The following WDR1 variants were observed in gnomAD, a reference collection of about 807,000 sequenced individuals.
The protein encoded by WDR1 is WD repeat domain 1.
In WDR1, 21 loss-of-function variants were observed where a neutral mutation model predicts 71.9. The ratio of observed to expected loss-of-function variants is 0.29; its 90% CI spans 0.21 to 0.42. The LOEUF (loss-of-function observed/expected upper bound fraction) is 0.42. WDR1 is among the 10% of genes least tolerant of loss of function. The pLI is 1.00. For missense variants in WDR1, 696 were observed against 824.5 expected (o/e 0.84, Z 1.91); for synonymous variants, 424 against 347.4 (o/e 1.22, Z -2.45).
Position 10,075,257 on chromosome 4 carries a change from C to G in WDR1, c.*121G>C. ...AGACGAGGGTCATGACTGGGCCCTC[C>G]TGCCTCTTGTGGTGGGGTGGGGGCA... On this transcript the variant is annotated 3_prime_UTR_variant, in exon 15 of 15. Coordinates refer to ENST00000499869, the MANE Select transcript of WDR1 (RefSeq NM_017491.5). 2.5e-6 allele frequency: 2 copies of G among 812,308 alleles called. No individual in the cohort carries two copies. The highest frequency in any genetic ancestry group is 4.2e-5 in the Admixed American group (2 of 47,962). 50.3% of individuals were successfully genotyped at this position (812,308 alleles called of 1,614,324 possible).
intron 5 of WDR1, among the ~76,000 whole-genome samples, chr4:10,091,156 A>T (rs1358302595): frequency 6.6e-6 from 1 of 152,274 alleles, no homozygotes; most frequent in Non-Finnish European, 1.5e-5. Context: ...CGGGGAACAC[A>T]GGACTGGACG....
At chr4:10,102,999 C>G (rs772128242) in intron 3 of WDR1, among the ~76,000 whole-genome samples, 1 of 152,166 alleles carries the variant, frequency 6.6e-6, no homozygotes, top group South Asian at 2.1e-4. Context: ...ACCACTCTCA[C>G]TCCTGTACCT....
chr4:10,093,208 A>C, intron 5 of WDR1: 2 of 1,228,742 alleles, frequency 1.6e-6, no homozygotes, highest in Non-Finnish European at 2.1e-6. Flanking sequence ...AGCCCACCCC[A>C]TTCCCCCCAG....
intron 3 of WDR1, among the ~76,000 whole-genome samples, chr4:10,101,704 G>C (rs571229503): frequency 2.0e-4 from 30 of 152,254 alleles, no homozygotes; most frequent in Non-Finnish European, 4.1e-4. Context: ...CTGGGGACTG[G>C]GGACAGGGCA....
intron 11 of WDR1, 109 bp from the exon 12 acceptor site, chr4:10,079,110 C>G (rs1163779052): frequency 7.5e-6 from 6 of 803,092 alleles, no homozygotes; most frequent in Non-Finnish European, 9.6e-6. Flanking sequence ...GGGTTTGGCT[C>G]CATACCCAAC....
At position 10,077,528 on chromosome 4, in the gene WDR1, T is replaced by A. The variant is rs559428993; in HGVS notation, c.1570-80A>T. On this transcript the variant is annotated intron_variant, in intron 13 of 14. Coordinates refer to ENST00000499869, the MANE Select transcript of WDR1 (RefSeq NM_017491.5). ...CCCATATCACCTCGCTTATCCCTCATGGCGACAATAAGGACCGAGGTTTCT... is the reference window on the plus strand; with the variant it reads ...CCCATATCACCTCGCTTATCCCTCAAGGCGACAATAAGGACCGAGGTTTCT... 3.1e-6 allele frequency: 5 copies of A among 1,594,016 alleles called. No homozygotes were observed. The Admixed American group carries it at 8.4e-5, about 27-fold the overall frequency.
At chr4:10,092,877 T>G in intron 5 of WDR1, 1 of 417,874 alleles carries the variant, frequency 2.4e-6, no homozygotes, top group Non-Finnish European at 4.6e-6. Flanking sequence ...CCAGCGGGGC[T>G]GCAGCAGTCT....
At chr4:10,104,494 T>A (rs1176506161) in intron 2 of WDR1, among the ~76,000 whole-genome samples, 3 of 152,122 alleles carry the variant, frequency 2.0e-5, no homozygotes, top group Non-Finnish European at 4.4e-5. Context: ...GCCCTCTCTA[T>A]CAAAAACTTG....
chr4:10,113,446 G>A (rs929838589), intron 2 of WDR1, among the ~76,000 whole-genome samples: 1 of 152,332 alleles, frequency 6.6e-6, no homozygotes, highest in African/African-American at 2.4e-5. Flanking sequence ...ATAACTAGCA[G>A]GTACCAAGAC....
chr4:10,104,954 T>TC (rs2108798575), intron 2 of WDR1, among the ~76,000 whole-genome samples: 1 of 148,272 alleles, frequency 6.7e-6, no homozygotes, highest in Admixed American at 6.7e-5. Flanking sequence ...CTTAGACCCC[T>TC]CCTCAAGACC....
intron 3 of WDR1, among the ~76,000 whole-genome samples, chr4:10,101,969 T>C (rs920501153): frequency 2.0e-5 from 3 of 152,230 alleles, no homozygotes; most frequent in South Asian, 2.1e-4. Flanking sequence ...AATGAGAGCA[T>C]GTTTTACAGA....
intron 9 of WDR1, chr4:10,083,661 G>A (rs760651589): frequency 2.5e-5 from 12 of 475,302 alleles, no homozygotes; most frequent in Non-Finnish European, 1.7e-5. Context: ...GGTGCTCAGG[G>A]AGGGCAGCAG....
Position 10,081,362 on chromosome 4 carries a change from C to G in WDR1, c.1279G>C (p.Gly427Arg), listed in dbSNP as rs780869580. 1 of 1,613,968 alleles carries G rather than the reference C, an allele frequency of 6.2e-7. No individual in the cohort carries two copies. Among genetic ancestry groups the G allele is most frequent in the South Asian group, 1.1e-5 (1 of 91,076 alleles). ...ACACTAAGCCAGGTCCCTACCTGTC[C>G]AATGCACACGACCACGGCGTATCCC... Reference protein sequence around the residue: ...PGGYAVVVCIGQIVLLKDQRK... With the variant: ...PGGYAVVVCIRQIVLLKDQRK... The change falls in exon 11 of 15, where the codon GGA becomes CGA. Residue 427 changes from glycine to arginine, a missense_variant. By Grantham distance (125) the Gly-to-Arg change is moderately radical. Transcript: ENST00000499869.
At chr4:10,091,154 A>T (rs1331799019) in intron 5 of WDR1, among the ~76,000 whole-genome samples, 1 of 152,258 alleles carries the variant, frequency 6.6e-6, no homozygotes, top group Non-Finnish European at 1.5e-5. Flanking sequence ...AACGGGGAAC[A>T]CAGGACTGGA....
chr4:10,101,926 T>G (rs545387816), intron 3 of WDR1, among the ~76,000 whole-genome samples: 1 of 152,240 alleles, frequency 6.6e-6, no homozygotes, highest in South Asian at 2.1e-4. Context: ...GGGGAAAAAA[T>G]AAATCACAGA....
At chr4:10,086,979 C>T (rs1214261807) in intron 8 of WDR1, among the ~76,000 whole-genome samples, 1 of 152,068 alleles carries the variant, frequency 6.6e-6, no homozygotes, top group Non-Finnish European at 1.5e-5. Context: ...CCAGAGGCGT[C>T]AACTTGGCTG....
chr4:10,080,545 A>T (rs532985858), intron 11 of WDR1, among the ~76,000 whole-genome samples: 46 of 152,370 alleles, frequency 3.0e-4, no homozygotes, highest in African/African-American at 9.4e-4. Flanking sequence ...AATTAAGTTC[A>T]CAAGGCAAAG....
intron 2 of WDR1, among the ~76,000 whole-genome samples, chr4:10,110,490 T>G (rs1713283798): frequency 6.6e-6 from 1 of 152,188 alleles, no homozygotes; most frequent in Non-Finnish European, 1.5e-5. Flanking sequence ...GAGGCCACAG[T>G]GGGGCTGAGA....
chr4:10,093,335 C>G (rs1712128278), intron 5 of WDR1, among the ~76,000 whole-genome samples: 1 of 152,234 alleles, frequency 6.6e-6, no homozygotes, highest in Non-Finnish European at 1.5e-5. Flanking sequence ...CCACCCCACA[C>G]AAGCCCAGCA....
Sources: gnomAD v4.1 joint callset for allele counts (sites outside exome capture counted in the v4.1 genomes callset) on GRCh38, gnomAD v4.1.1 for gene constraint, MANE v1.5 for transcripts, NCBI Gene and HGNC (gene_info 2026-07-23, HGNC 2026-07-21) for gene names.